The following ERCC8 variants were observed in gnomAD, a reference collection of about 807,000 sequenced individuals.
ERCC8 encodes the protein ERCC excision repair 8, CSA ubiquitin ligase complex subunit.
In ERCC8, 52 loss-of-function variants were observed where a neutral mutation model predicts 54.9. The ratio of observed to expected loss-of-function variants is 0.95; its 90% CI spans 0.76 to 1.19. ERCC8 has a LOEUF of 1.19. ERCC8 is among the 50% of genes most tolerant of loss of function. ERCC8 has a pLI of 0.00. For synonymous variants in ERCC8, 146 were observed against 157.2 expected, an observed-to-expected ratio of 0.93 and a Z score of 0.53; for missense variants, 514 against 466.1, an observed-to-expected ratio of 1.10 and a Z score of -0.95.
intron 8 of ERCC8, among the ~76,000 whole-genome samples, chr5:60,899,274 GGCCACAAAATGT>G (rs1748805548): frequency 6.6e-6 from 1 of 151,778 alleles, no homozygotes; most frequent in South Asian, 2.1e-4. Flanking sequence ...TTGATACAAT[GGCCACAAAATGT>G]TACTATTTCT....
intron 4 of ERCC8, among the ~76,000 whole-genome samples, chr5:60,910,772 G>A (rs1305763949): frequency 6.6e-6 from 1 of 152,006 alleles, no homozygotes; most frequent in African/African-American, 2.4e-5. Context: ...TTTGGCTATA[G>A]ATTCTTTTGA....
rs140606758 is a variant in ERCC8 at position 60,913,285 on chromosome 5, A to C, written c.399+4980T>G. 7.3e-3 allele frequency among the ~76,000 whole-genome samples: 1,115 copies of C among 152,200 alleles called. 23 individuals are homozygous for C. Among genetic ancestry groups the C allele is most frequent in the African/African-American group, 0.025 (1,044 of 41,482 alleles). On this transcript the variant is annotated intron_variant, in intron 4 of 11. Transcript: ENST00000676185. Reference sequence around the variant, plus strand: ...CTATTTCAGAACCTGTTATTGGTCTATTCAGAGATTCAACTTCTTCCTGGT... The same window carrying C: ...CTATTTCAGAACCTGTTATTGGTCTCTTCAGAGATTCAACTTCTTCCTGGT...
chr5:60,940,297 T>C (rs757251935), intron 1 of ERCC8, among the ~76,000 whole-genome samples: 1 of 152,170 alleles, frequency 6.6e-6, no homozygotes, highest in Non-Finnish European at 1.5e-5. Flanking sequence ...TGGCTACGCA[T>C]AGTGGCCTGC....
chr5:60,886,048 C>T (rs1360571703), intron 11 of ERCC8, among the ~76,000 whole-genome samples: 2 of 149,926 alleles, frequency 1.3e-5, no homozygotes, highest in African/African-American at 5.0e-5. Context: ...ACTTAAAGAA[C>T]TATATGTATA....
intron 1 of ERCC8, among the ~76,000 whole-genome samples, chr5:60,942,802 C>T (rs1291539433): frequency 6.6e-6 from 1 of 152,046 alleles, no homozygotes; most frequent in Non-Finnish European, 1.5e-5. Flanking sequence ...GTCAATTATA[C>T]CTCAATAAAG....
chr5:60,921,983 T>A lies in ERCC8; in HGVS notation c.275+71A>T. The stretch of plus-strand genomic sequence containing the variant: ...CCCATTCACTTGACTGCAATTTTCA[T>A]GTTTTGCATTCGATGCAAAAAATAC... On this transcript the variant is annotated intron_variant, in intron 3 of 11. Transcript: ENST00000676185. The A allele has an allele frequency of 4.8e-6, 5 of 1,046,090 alleles. No individual in the cohort carries two copies. In the South Asian group the frequency reaches 6.6e-5, roughly 14 times the overall value. 64.8% of individuals were successfully genotyped at this position (1,046,090 alleles called of 1,614,324 possible). A position where few individuals can be genotyped will look rare whatever the true frequency, so the allele number is the denominator to read the frequency against.
At position 60,881,752 on chromosome 5, in the gene ERCC8, G is replaced by A. The variant is rs185513749; in HGVS notation, c.1122+5688C>T. Among the ~76,000 whole-genome samples, 654 of 152,246 alleles carry A rather than the reference G, an allele frequency of 4.3e-3. 5 individuals carry two copies. Among genetic ancestry groups the A allele is most frequent in the African/African-American group, 0.015 (628 of 41,558 alleles). Reference sequence around the variant, plus strand: ...GGAGTGACCCGATTTTCCAGGTGCCGTCTGTCACCCCTTTCTGTGACTAAG... The same window carrying A: ...GGAGTGACCCGATTTTCCAGGTGCCATCTGTCACCCCTTTCTGTGACTAAG... On this transcript the variant is annotated intron_variant, in intron 11 of 11. Transcript: ENST00000676185.
chr5:60,934,323 T>C (rs1452608842), intron 1 of ERCC8, among the ~76,000 whole-genome samples: 1 of 152,238 alleles, frequency 6.6e-6, no homozygotes, highest in Non-Finnish European at 1.5e-5. Flanking sequence ...GATTTGCACA[T>C]CTCTAATCAC....
At chr5:60,944,670 A>G (rs1750371299) in intron 1 of ERCC8, among the ~76,000 whole-genome samples, 5 of 151,384 alleles carry the variant, frequency 3.3e-5, no homozygotes, top group Admixed American at 2.6e-4. Flanking sequence ...ATTCTTATTT[A>G]GGTTTATAGT....
Position 60,904,668 on chromosome 5 carries a change from A to G in ERCC8, c.481+124T>C, listed in dbSNP as rs544897505. On this transcript the variant is annotated intron_variant, in intron 5 of 11. Transcript: ENST00000676185. ...TATATATATATATATATATATATAT[A>G]TATATATATATATATAAAATTGTGA... The G allele has an allele frequency of 2.7e-4, 43 of 160,386 alleles. 3 individuals are homozygous for G. The South Asian group carries it at 6.2e-3, about 23-fold the overall frequency. The allele number at this position is 160,386 out of a possible 1,614,324, so 9.9% of individuals were successfully genotyped here. A position where few individuals can be genotyped will look rare whatever the true frequency, so the allele number is the denominator to read the frequency against.
intron 11 of ERCC8, among the ~76,000 whole-genome samples, chr5:60,880,892 T>C (rs947807102): frequency 6.6e-6 from 1 of 152,228 alleles, no homozygotes; most frequent in African/African-American, 2.4e-5. Flanking sequence ...ATCCAGTTTG[T>C]TCTGTTGCTG....
chr5:60,918,504 T>C (rs1264403397), intron 3 of ERCC8, 116 bp from the exon 4 acceptor site: 9 of 841,688 alleles, frequency 1.1e-5, no homozygotes, highest in African/African-American at 5.0e-5. Flanking sequence ...CAAACCGAGA[T>C]CACATGCCTG....
intron 4 of ERCC8, among the ~76,000 whole-genome samples, chr5:60,910,522 C>A (rs1221611362): frequency 1.3e-5 from 2 of 152,106 alleles, no homozygotes; most frequent in Non-Finnish European, 2.9e-5. Context: ...ACATGGAATA[C>A]CCCACATTTA....
intron 4 of ERCC8, among the ~76,000 whole-genome samples, chr5:60,915,509 A>T (rs1369666655): frequency 6.6e-6 from 1 of 152,042 alleles, no homozygotes; most frequent in East Asian, 1.9e-4. Context: ...TTATAACACA[A>T]ATTTATTATC....
chr5:60,901,627 T>C (rs1177212241), intron 7 of ERCC8, among the ~76,000 whole-genome samples: 1 of 151,978 alleles, frequency 6.6e-6, no homozygotes, highest in African/African-American at 2.4e-5. Context: ...CATGTCCACC[T>C]TTTCCTCTTT....
chr5:60,904,373 C>A (rs896766049), intron 5 of ERCC8, among the ~76,000 whole-genome samples: 38 of 151,666 alleles, frequency 2.5e-4, no homozygotes, highest in Middle Eastern at 3.4e-3. Flanking sequence ...GTTGCAGGTG[C>A]TTTTATATAA....
intron 9 of ERCC8, chr5:60,891,995 G>A: frequency 1.9e-6 from 1 of 529,764 alleles, no homozygotes; most frequent in Non-Finnish European, 3.8e-6. Flanking sequence ...GAATCAGACA[G>A]CTCCCTGGGG....
intron 10 of ERCC8, 45 bp from the exon 11 acceptor site, chr5:60,887,565 T>A (rs747477380): frequency 1.5e-6 from 2 of 1,332,588 alleles, no homozygotes; most frequent in East Asian, 4.6e-5. Context: ...CAAGAGCTGA[T>A]ATCAAACTGA....
At chr5:60,904,271 G>A (rs1426599181) in intron 5 of ERCC8, among the ~76,000 whole-genome samples, 2 of 152,084 alleles carry the variant, frequency 1.3e-5, no homozygotes, top group African/African-American at 4.8e-5. Context: ...AAGAGGTAGA[G>A]ACTCACATGG....
Sources: allele counts gnomAD v4.1 joint callset (sites outside exome capture counted in the v4.1 genomes callset), GRCh38; gene constraint gnomAD v4.1.1; transcripts MANE v1.5; gene names NCBI Gene and HGNC (gene_info 2026-07-23, HGNC 2026-07-21).